Variants in GLMN observed in about 807,000 individuals in gnomAD.
The protein encoded by GLMN is glomulin.
GLMN carries 75 observed loss-of-function variants against 87.8 expected under a neutral mutation model. That is an observed-to-expected ratio of 0.85 (90% CI 0.71 to 1.04). GLMN has a LOEUF of 1.04. GLMN is among the 50% of genes least tolerant of loss of function. GLMN has a pLI of 0.00. For missense variants in GLMN, 588 were observed against 658.8 expected, an observed-to-expected ratio of 0.89 and a Z score of 1.18; for synonymous variants, 206 against 221.6, an observed-to-expected ratio of 0.93 and a Z score of 0.63.
Position 92,247,929 on chromosome 1 carries a change from CT to C in GLMN, c.1533del (p.Ile511MetfsTer29). 1.4e-6 allele frequency: 2 copies of C among 1,429,052 alleles called. No individual in the cohort carries two copies. Among genetic ancestry groups the C allele is most frequent in the Non-Finnish European group, 2.0e-6 (2 of 1,012,764 alleles). The allele number at this position is 1,429,052 out of a possible 1,614,324, so 88.5% of individuals were successfully genotyped here. A position where few individuals can be genotyped will look rare whatever the true frequency, so the allele number is the denominator to read the frequency against. ...IENNFLKPLH[I>X]GLNMSKAHYE... ...TAATGTGCTTTTGACATATTAAGTCCTATATGAAGTGGCTTTAAGAAATTAT... is the reference window on the plus strand; with the variant it reads ...TAATGTGCTTTTGACATATTAAGTCCATATGAAGTGGCTTTAAGAAATTAT... On this transcript the variant is annotated frameshift_variant, in exon 17 of 19. Transcript: ENST00000370360. LOFTEE classifies it high-confidence loss of function.
At chr1:92,340,856 ATGACTCAC>A in the GLMN span, among the ~76,000 whole-genome samples, 1 of 152,172 alleles carries the variant, frequency 6.6e-6, no homozygotes, top group South Asian at 2.1e-4. Flanking sequence ...CTGCTTGATA[ATGACTCAC>A]TGTCATCAGT....
At chr1:92,323,171 A>G in the GLMN span, among the ~76,000 whole-genome samples, 1 of 150,082 alleles carries the variant, frequency 6.7e-6, no homozygotes, top group Non-Finnish European at 1.5e-5. Flanking sequence ...GTACTCCTGT[A>G]ACAATTTTAA....
At chr1:92,352,355 C>T in the GLMN span, among the ~76,000 whole-genome samples, 13 of 152,196 alleles carry the variant, frequency 8.5e-5, no homozygotes, top group Admixed American at 7.2e-4. Context: ...CTTTAGGTAA[C>T]CATCATACAG....
At chr1:92,273,731 C>T (rs933425020) in intron 7 of GLMN, among the ~76,000 whole-genome samples, 3 of 152,048 alleles carry the variant, frequency 2.0e-5, no homozygotes, top group Non-Finnish European at 4.4e-5. Context: ...CCTGGGCCTA[C>T]AAGCGGGAGC....
At chr1:92,363,422 A>G in the GLMN span, among the ~76,000 whole-genome samples, 4 of 152,244 alleles carry the variant, frequency 2.6e-5, no homozygotes, top group African/African-American at 9.6e-5. Context: ...ACATCTTCTG[A>G]GACAGGAAGA....
At position 92,262,925 on chromosome 1, in the gene GLMN, T is replaced by C; in HGVS notation, c.1411A>G (p.Ile471Val). ...ETDLLQNSDR[I>V]MASLNLLRYL... is the part of the protein sequence containing the mutation. Reference sequence around the variant, plus strand: ...CTCAATAAATTTAATGAAGCCATAATCCTGTTAATTAAAAATATATGTTAC... The same window carrying C: ...CTCAATAAATTTAATGAAGCCATAACCCTGTTAATTAAAAATATATGTTAC... Residue 471 changes from isoleucine (I) to valine (V), a missense_variant and splice_region_variant, in exon 16 of 19, where the codon ATT becomes GTT. Transcript: ENST00000370360. The C allele has an allele frequency of 5.7e-6, 6 of 1,056,472 alleles. No individual in the cohort carries two copies. The highest frequency in any genetic ancestry group is 8.9e-6 in the Non-Finnish European group (6 of 676,674). 65.4% of individuals were successfully genotyped at this position (1,056,472 alleles called of 1,614,324 possible). A position where few individuals can be genotyped will look rare whatever the true frequency, so the allele number is the denominator to read the frequency against.
At chr1:92,323,777 C>A in the GLMN span, 1 of 1,614,018 alleles carries the variant, frequency 6.2e-7, no homozygotes, top group South Asian at 1.1e-5. Context: ...GAGAAAGATG[C>A]TACATGTGAA....
chr1:92,304,226 C>T, the GLMN span: 1 of 1,240,704 alleles, frequency 8.1e-7, no homozygotes, highest in Non-Finnish European at 1.2e-6. Context: ...AATCTTGTAA[C>T]ATAACGTTCA....
At chr1:92,251,225 AT>A (rs1208879974) in intron 16 of GLMN, among the ~76,000 whole-genome samples, 1 of 152,206 alleles carries the variant, frequency 6.6e-6, no homozygotes, top group Non-Finnish European at 1.5e-5. Flanking sequence ...AAACAGAATA[AT>A]TTCTTCCTAT....
chr1:92,281,026 A>C (rs534307202), intron 7 of GLMN, among the ~76,000 whole-genome samples: 6 of 152,360 alleles, frequency 3.9e-5, no homozygotes, highest in South Asian at 2.1e-4. Flanking sequence ...AGAATGGAAC[A>C]AAGTTAGAAA....
At chr1:92,282,735 T>C (rs901749121) in intron 7 of GLMN, among the ~76,000 whole-genome samples, 5 of 151,580 alleles carry the variant, frequency 3.3e-5, no homozygotes, top group African/African-American at 9.7e-5. Context: ...TCTAGCAAGA[T>C]TAATAAAGAA....
At chr1:92,295,568 T>C (rs1197646124) in intron 3 of GLMN, among the ~76,000 whole-genome samples, 3 of 152,154 alleles carry the variant, frequency 2.0e-5, no homozygotes, top group African/African-American at 7.2e-5. Flanking sequence ...TTTTAGAGGC[T>C]AGAAACCCAG....
intron 3 of GLMN, among the ~76,000 whole-genome samples, chr1:92,294,028 T>C (rs1649742487): frequency 6.6e-6 from 1 of 151,096 alleles, no homozygotes; most frequent in Admixed American, 6.6e-5. Flanking sequence ...AAGTAATGAA[T>C]AAGACCTACT....
chr1:92,251,771 T>G (rs1198200567), intron 16 of GLMN, among the ~76,000 whole-genome samples: 1 of 150,362 alleles, frequency 6.7e-6, no homozygotes, highest in East Asian at 2.0e-4. Context: ...TAATGGAAAT[T>G]CTTTTAAATC....
intron 16 of GLMN, among the ~76,000 whole-genome samples, chr1:92,256,944 A>C (rs1045749174): frequency 6.6e-6 from 1 of 152,222 alleles, no homozygotes; most frequent in Non-Finnish European, 1.5e-5. Context: ...GTATTCAAAT[A>C]GGAAGAAAGG....
At chr1:92,353,571 T>C in the GLMN span, among the ~76,000 whole-genome samples, 1 of 152,200 alleles carries the variant, frequency 6.6e-6, no homozygotes, top group South Asian at 2.1e-4. Flanking sequence ...TATAAATGTC[T>C]GAACAGTAGC....
the GLMN span, among the ~76,000 whole-genome samples, chr1:92,313,117 T>G: frequency 1.3e-5 from 2 of 152,218 alleles, no homozygotes; most frequent in African/African-American, 4.8e-5. Context: ...TCCACGCACC[T>G]TGGCTTCCCA....
chr1:92,362,607 G>A, the GLMN span, among the ~76,000 whole-genome samples: 2 of 152,150 alleles, frequency 1.3e-5, no homozygotes, highest in Non-Finnish European at 1.5e-5. Flanking sequence ...TCCGAGTGCA[G>A]CAAAAGCACT....
the GLMN span, among the ~76,000 whole-genome samples, chr1:92,339,677 G>C: frequency 6.6e-6 from 1 of 151,198 alleles, no homozygotes; most frequent in East Asian, 2.0e-4. Flanking sequence ...CCATAGAATT[G>C]ATAAGTAGTG....
Sources: gnomAD v4.1 joint callset for allele counts (sites outside exome capture counted in the v4.1 genomes callset) on GRCh38, gnomAD v4.1.1 for gene constraint, MANE v1.5 for transcripts, NCBI Gene and HGNC (gene_info 2026-07-23, HGNC 2026-07-21) for gene names.